The following HIBCH variants were observed in gnomAD, a reference collection of about 807,000 sequenced individuals.
HIBCH encodes 3-hydroxyisobutyryl-CoA hydrolase, mitochondrial.
Under a neutral mutation model 58.2 loss-of-function variants are expected in HIBCH, and 50 were observed. The ratio of observed to expected loss-of-function variants is 0.86; its 90% confidence interval spans 0.68 to 1.09. The LOEUF (loss-of-function observed/expected upper bound fraction) is 1.09, where lower values mean the gene tolerates loss of function less well. HIBCH is among the 50% of genes least tolerant of loss of function. The pLI is 0.00. For synonymous variants in HIBCH, 151 were observed against 146.9 expected, an observed-to-expected ratio of 1.03 and a Z score of -0.20; for missense variants, 450 against 449.7, an observed-to-expected ratio of 1.00 and a Z score of -0.01.
At chr2:190,220,004 G>A (rs1450770034) in intron 11 of HIBCH, among the ~76,000 whole-genome samples, 1 of 152,142 alleles carries the variant, frequency 6.6e-6, no homozygotes, top group African/African-American at 2.4e-5. Flanking sequence ...ACCTTGGAAA[G>A]AGAGAAGACA....
intron 7 of HIBCH, among the ~76,000 whole-genome samples, chr2:190,260,784 G>A (rs967863884): frequency 5.3e-5 from 8 of 152,016 alleles, no homozygotes; most frequent in African/African-American, 1.9e-4. Context: ...GACTTATATA[G>A]GTGATCCACA....
At chr2:190,282,386 T>G (rs1048223252) in intron 6 of HIBCH, among the ~76,000 whole-genome samples, 1 of 152,192 alleles carries the variant, frequency 6.6e-6, no homozygotes, top group South Asian at 2.1e-4. Flanking sequence ...TTATGTTACA[T>G]GAAAACATGG....
intron 2 of HIBCH, among the ~76,000 whole-genome samples, chr2:190,310,182 T>C (rs1180946181): frequency 2.6e-5 from 4 of 152,230 alleles, no homozygotes; most frequent in Non-Finnish European, 4.4e-5. Flanking sequence ...CCAGAGGCTC[T>C]TGGGCCTTTG....
At chr2:190,192,162 G>GA (rs1689741228) in intron 1 of HIBCH, among the ~76,000 whole-genome samples, 2 of 151,970 alleles carry the variant, frequency 1.3e-5, no homozygotes, top group South Asian at 2.1e-4. Context: ...TTGGTGGGGG[G>GA]AGAGTATGTG....
At chr2:190,194,242 A>ATCAAC (rs1689857107) in intron 1 of HIBCH, among the ~76,000 whole-genome samples, 1 of 152,184 alleles carries the variant, frequency 6.6e-6, no homozygotes, top group Non-Finnish European at 1.5e-5. Flanking sequence ...TTCTGTGAAT[A>ATCAAC]TCAACTCAAG....
At chr2:190,274,220 C>A (rs184244212) in intron 6 of HIBCH, among the ~76,000 whole-genome samples, 1 of 152,266 alleles carries the variant, frequency 6.6e-6, no homozygotes, top group Admixed American at 6.5e-5. Context: ...TAGCAAGAAA[C>A]AGAACACCTT....
chr2:190,297,326 T>C (rs1442789321), intron 2 of HIBCH, among the ~76,000 whole-genome samples: 1 of 152,240 alleles, frequency 6.6e-6, no homozygotes, highest in Non-Finnish European at 1.5e-5. Flanking sequence ...ATTCTGACTA[T>C]TGTAGCTATG....
At chr2:190,316,660 A>G (rs1409496923) in intron 1 of HIBCH, among the ~76,000 whole-genome samples, 9 of 152,200 alleles carry the variant, frequency 5.9e-5, no homozygotes, top group Non-Finnish European at 1.3e-4. Flanking sequence ...CCAGTTCACC[A>G]GTCCCCCATG....
chr2:190,312,175 C>G (rs1335864518), intron 1 of HIBCH, among the ~76,000 whole-genome samples: 2 of 152,098 alleles, frequency 1.3e-5, no homozygotes, highest in African/African-American at 4.8e-5. Context: ...GTTTCTCGAT[C>G]CAGGTGCTGG....
chr2:190,257,513 A>C (rs1232064974), intron 7 of HIBCH, among the ~76,000 whole-genome samples: 1 of 152,196 alleles, frequency 6.6e-6, no homozygotes, highest in Non-Finnish European at 1.5e-5. Flanking sequence ...AGGAAAAAAA[A>C]AGAGAAGACA....
rs916447545 is a variant in HIBCH at position 190,207,274 on chromosome 2, A to T, written c.1045+1606T>A. ...CTTTTTAAAGAAGGGCTATTATAAC[A>T]TATAATGAATACTTTAACAATATAA... On this transcript the variant is annotated intron_variant, in intron 13 of 13. Transcript: ENST00000359678. The surrounding 1 kb of genome is among the most constrained non-coding windows in gnomAD (Gnocchi z 4.5). Among the ~76,000 whole-genome samples the T allele has an allele frequency of 6.6e-6, 1 of 152,248 alleles. No homozygotes were observed. Among genetic ancestry groups the T allele is most frequent in the African/African-American group, 2.4e-5 (1 of 41,464 alleles).
chr2:190,257,373 A>C (rs1288549248), intron 7 of HIBCH, among the ~76,000 whole-genome samples: 1 of 152,178 alleles, frequency 6.6e-6, no homozygotes, highest in Non-Finnish European at 1.5e-5. Context: ...AAGAAGAGCA[A>C]ACAAAATCTA....
chr2:190,239,862 C>A (rs1030983053), intron 11 of HIBCH, among the ~76,000 whole-genome samples: 7 of 152,158 alleles, frequency 4.6e-5, no homozygotes, highest in Non-Finnish European at 8.8e-5. Flanking sequence ...GCTAGCCAGG[C>A]GGGTCTCGAA....
At chr2:190,244,547 G>A (rs532770211) in intron 11 of HIBCH, among the ~76,000 whole-genome samples, 4 of 152,282 alleles carry the variant, frequency 2.6e-5, no homozygotes, top group South Asian at 2.1e-4. Flanking sequence ...CTAATCTCCA[G>A]TGACCCAGCC....
chr2:190,265,122 CAAAAAAAAAAAAAA>C (rs1167140474), intron 6 of HIBCH, among the ~76,000 whole-genome samples: 26 of 56,280 alleles, frequency 4.6e-4, no homozygotes, highest in African/African-American at 1.6e-3. Flanking sequence ...GACTCCGTCT[CAAAAAAAAAAAAAA>C]AAAAAAAAAA....
intron 11 of HIBCH, among the ~76,000 whole-genome samples, chr2:190,233,873 T>C (rs1686184515): frequency 6.6e-6 from 1 of 152,184 alleles, no homozygotes; most frequent in African/African-American, 2.4e-5. Flanking sequence ...ATATCAAATG[T>C]TGGGCTGGGT....
At chr2:190,301,215 C>T (rs111389984) in intron 2 of HIBCH, among the ~76,000 whole-genome samples, 17 of 152,156 alleles carry the variant, frequency 1.1e-4, no homozygotes, top group Non-Finnish European at 2.1e-4. Flanking sequence ...CCCTTTATCT[C>T]CCATACAGAA....
At chr2:190,319,101 T>G (rs1688781289) in intron 1 of HIBCH, among the ~76,000 whole-genome samples, 1 of 152,186 alleles carries the variant, frequency 6.6e-6, no homozygotes, top group Non-Finnish European at 1.5e-5. Context: ...GTGGGCTGTT[T>G]AAGGCGCATG....
At chr2:190,298,512 CT>C (rs1260946148) in intron 2 of HIBCH, among the ~76,000 whole-genome samples, 3 of 152,006 alleles carry the variant, frequency 2.0e-5, no homozygotes, top group African/African-American at 4.8e-5. Flanking sequence ...TAATAATGAG[CT>C]TTTTTTCATG....
Sources: gnomAD v4.1 joint callset for allele counts (sites outside exome capture counted in the v4.1 genomes callset) on GRCh38, gnomAD v4.1.1 for gene constraint, Gnocchi (gnomAD v3.1) non-coding constraint, MANE v1.5 for transcripts, NCBI Gene and HGNC (gene_info 2026-07-23, HGNC 2026-07-21) for gene names.